CSTPP1: variants seen among roughly 807,000 people sequenced by gnomAD.
CSTPP1 encodes the protein UPF0705 protein C11orf49.
At chr11:47,125,016 C>G in the CSTPP1 span, among the ~76,000 whole-genome samples, 940 of 152,306 alleles carry the variant, frequency 6.2e-3, 7 homozygotes, top group African/African-American at 0.02. Context: ...CTTTAAGGAA[C>G]AGTAACTACT....
the CSTPP1 span, among the ~76,000 whole-genome samples, chr11:46,992,826 A>G: frequency 6.6e-6 from 1 of 152,184 alleles, no homozygotes; most frequent in African/African-American, 2.4e-5. Context: ...GTCTTCCATA[A>G]TGGTTGAACT....
the CSTPP1 span, chr11:47,137,444 C>T: frequency 6.6e-7 from 1 of 1,509,664 alleles, no homozygotes; most frequent in Non-Finnish European, 8.8e-7. Flanking sequence ...CTGGATGCCT[C>T]CCACCCTGGA....
At chr11:47,064,630 T>C in the CSTPP1 span, among the ~76,000 whole-genome samples, 39 of 152,306 alleles carry the variant, frequency 2.6e-4, no homozygotes, top group African/African-American at 8.9e-4. Flanking sequence ...CAAATGACCA[T>C]ATATATGAGG....
At chr11:47,034,049 T>A in the CSTPP1 span, among the ~76,000 whole-genome samples, 5,540 of 152,140 alleles carry the variant, frequency 0.036, 314 homozygotes, top group African/African-American at 0.13. Context: ...TGTATAGATA[T>A]GTAACAAACC....
chr11:47,040,728 A>G, the CSTPP1 span, among the ~76,000 whole-genome samples: 2 of 126,826 alleles, frequency 1.6e-5, no homozygotes, highest in African/African-American at 2.5e-5. Flanking sequence ...GATCCATGGG[A>G]TGGATCAGAT....
At chr11:46,987,459 C>T in the CSTPP1 span, 1 of 659,906 alleles carries the variant, frequency 1.5e-6, no homozygotes, top group Admixed American at 2.3e-5. Context: ...GCCGCCCAAA[C>T]ATGTTTTGGA....
chr11:47,157,237 GC>G, the CSTPP1 span: 1 of 1,539,644 alleles, frequency 6.5e-7, no homozygotes, highest in Non-Finnish European at 8.7e-7. Flanking sequence ...CGGGCATGCA[GC>G]CCCCAGCCCC....
the CSTPP1 span, among the ~76,000 whole-genome samples, chr11:46,953,280 G>A: frequency 6.6e-6 from 1 of 152,140 alleles, no homozygotes; most frequent in Non-Finnish European, 1.5e-5. Flanking sequence ...ACCAATTAGG[G>A]AAAGGAGGAG....
At chr11:47,026,380 G>A in the CSTPP1 span, among the ~76,000 whole-genome samples, 1 of 152,120 alleles carries the variant, frequency 6.6e-6, no homozygotes, top group South Asian at 2.1e-4. Flanking sequence ...AGGCCTTGTT[G>A]AAAGAACTGA....
chr11:47,082,605 C>T, the CSTPP1 span, among the ~76,000 whole-genome samples: 3 of 152,136 alleles, frequency 2.0e-5, no homozygotes, highest in South Asian at 4.1e-4. Flanking sequence ...ACAATTCAGT[C>T]GTTTTTAGAA....
At chr11:47,026,837 C>T in the CSTPP1 span, among the ~76,000 whole-genome samples, 13 of 152,258 alleles carry the variant, frequency 8.5e-5, no homozygotes, top group Admixed American at 5.9e-4. Context: ...GAGATCGCAG[C>T]ACCACACTCC....
the CSTPP1 span, among the ~76,000 whole-genome samples, chr11:47,110,692 A>G: frequency 4.0e-3 from 614 of 152,282 alleles, 3 homozygotes; most frequent in Non-Finnish European, 3.8e-3. Flanking sequence ...AGAAACTGGC[A>G]CAATTTAAAG....
the CSTPP1 span, among the ~76,000 whole-genome samples, chr11:47,158,264 G>A: frequency 1.3e-5 from 2 of 152,130 alleles, no homozygotes; most frequent in South Asian, 2.1e-4. Context: ...AGTGACGCTA[G>A]AGATTATATA....
At chr11:47,063,047 C>T in the CSTPP1 span, among the ~76,000 whole-genome samples, 4 of 152,182 alleles carry the variant, frequency 2.6e-5, no homozygotes, top group African/African-American at 4.8e-5. Context: ...GCTAGAGCTT[C>T]TTGGTCCATT....
the CSTPP1 span, among the ~76,000 whole-genome samples, chr11:47,096,649 CA>C: frequency 6.6e-6 from 1 of 152,160 alleles, no homozygotes; most frequent in African/African-American, 2.4e-5. Flanking sequence ...TTGTTTTTAT[CA>C]TGACCTGTGT....
At chr11:47,005,240 A>T in the CSTPP1 span, among the ~76,000 whole-genome samples, 1 of 152,326 alleles carries the variant, frequency 6.6e-6, no homozygotes, top group East Asian at 1.9e-4. Flanking sequence ...ATCTTAGACC[A>T]TGTAAGCCTG....
chr11:46,960,087 G>A, the CSTPP1 span, among the ~76,000 whole-genome samples: 3 of 152,052 alleles, frequency 2.0e-5, no homozygotes, highest in African/African-American at 7.2e-5. Context: ...GGCTGGTCTC[G>A]AACACCCAAC....
At chr11:47,122,091 AAT>A in the CSTPP1 span, among the ~76,000 whole-genome samples, 414 of 31,790 alleles carry the variant, frequency 0.013, 9 homozygotes, top group Middle Eastern at 0.077. Flanking sequence ...AAAAAAAAAA[AAT>A]ATATATATAT....
At chr11:47,045,911 C>T in the CSTPP1 span, among the ~76,000 whole-genome samples, 1 of 151,950 alleles carries the variant, frequency 6.6e-6, no homozygotes, top group Non-Finnish European at 1.5e-5. Context: ...CTCAGCCTCC[C>T]GAGTAGCTGG....
Sources: gnomAD v4.1 joint callset for allele counts (sites outside exome capture counted in the v4.1 genomes callset) on GRCh38, gnomAD v4.1.1 for gene constraint, MANE v1.5 for transcripts, NCBI Gene and HGNC (gene_info 2026-07-23, HGNC 2026-07-21) for gene names.